SUGCT: variants seen among roughly 807,000 people sequenced by gnomAD.
SUGCT encodes succinyl-CoA:glutarate-CoA transferase.
In SUGCT, 41 loss-of-function variants were observed where a neutral mutation model predicts 55.0. The observed-to-expected ratio is 0.74, with a 90% CI of 0.58 to 0.97. SUGCT has a LOEUF of 0.97. SUGCT is among the 50% of genes least tolerant of loss of function. SUGCT has a pLI of 0.00. For synonymous variants in SUGCT, 187 were observed against 200.4 expected (o/e 0.93, Z 0.56); for missense variants, 568 against 547.8 (o/e 1.04, Z -0.37).
At chr7:40,447,214 CT>C (rs1788886810) in intron 9 of SUGCT, among the ~76,000 whole-genome samples, 1 of 152,154 alleles carries the variant, frequency 6.6e-6, no homozygotes, top group Admixed American at 6.6e-5. Flanking sequence ...AATATTTGGC[CT>C]TTAGTGACTG....
chr7:40,320,517 A>G (rs1280671672), intron 9 of SUGCT, among the ~76,000 whole-genome samples: 2 of 152,226 alleles, frequency 1.3e-5, no homozygotes, highest in Non-Finnish European at 2.9e-5. Flanking sequence ...CAAAAAGAAT[A>G]TATTTTATTA....
intron 11 of SUGCT, among the ~76,000 whole-genome samples, chr7:40,486,433 C>CT (rs1562810502): frequency 6.6e-6 from 1 of 151,834 alleles, no homozygotes; most frequent in East Asian, 1.9e-4. Context: ...TGTTTTGTTG[C>CT]TTTTTTATTT....
At position 40,833,555 on chromosome 7, in the gene SUGCT, C is replaced by T. The variant is rs371869300; in HGVS notation, c.1154-26761C>T. On this transcript the variant is annotated intron_variant, in intron 13 of 13. Coordinates refer to ENST00000335693, the MANE Select transcript of SUGCT (RefSeq NM_001193313.2). Reference sequence around the variant, plus strand: ...ATCTTTTGAAAATTGAAGTCATGTACACAAACCACTTTCAAGTTAGGAGAG... The same window carrying T: ...ATCTTTTGAAAATTGAAGTCATGTATACAAACCACTTTCAAGTTAGGAGAG... Among the ~76,000 whole-genome samples the T allele has an allele frequency of 2.2e-3, 328 of 152,314 alleles. 1 individual carries two copies. Among genetic ancestry groups the T allele is most frequent in the African/African-American group, 7.6e-3 (318 of 41,574 alleles).
chr7:40,908,382 CA>C, the SUGCT span, among the ~76,000 whole-genome samples: 1,446 of 82,578 alleles, frequency 0.018, 17 homozygotes, highest in South Asian at 0.13. Flanking sequence ...GACTCTGTCT[CA>C]AAAAAAAAAA....
intron 9 of SUGCT, among the ~76,000 whole-genome samples, chr7:40,327,221 C>T (rs549813046): frequency 8.4e-4 from 128 of 152,044 alleles, no homozygotes; most frequent in Non-Finnish European, 1.1e-3. Context: ...TTGATCCTTA[C>T]GGATTTGGGA....
chr7:40,826,110 C>T (rs1029621), intron 13 of SUGCT, among the ~76,000 whole-genome samples: 33,058 of 152,074 alleles, frequency 0.22, 3,933 homozygotes, highest in East Asian at 0.51. Flanking sequence ...CTAGTTGTCT[C>T]TAAGTTTTAA....
At chr7:40,787,173 C>T (rs1276691880) in intron 13 of SUGCT, among the ~76,000 whole-genome samples, 1 of 152,172 alleles carries the variant, frequency 6.6e-6, no homozygotes, top group Non-Finnish European at 1.5e-5. Context: ...GTGTAGCACA[C>T]TAACCCTTCC....
At chr7:40,521,046 G>T (rs185678243) in intron 12 of SUGCT, among the ~76,000 whole-genome samples, 1 of 152,172 alleles carries the variant, frequency 6.6e-6, no homozygotes, top group Non-Finnish European at 1.5e-5. Flanking sequence ...GAAAACACTA[G>T]ATTATAGGAA....
chr7:40,731,725 T>C (rs2128695906), intron 12 of SUGCT, among the ~76,000 whole-genome samples: 1 of 152,334 alleles, frequency 6.6e-6, no homozygotes, highest in Middle Eastern at 3.4e-3. Flanking sequence ...AAGTTTTTCC[T>C]AAGTTATTGA....
At chr7:41,016,186 T>A in the SUGCT span, among the ~76,000 whole-genome samples, 1 of 152,216 alleles carries the variant, frequency 6.6e-6, no homozygotes, top group Non-Finnish European at 1.5e-5. Context: ...AATTTAAGTT[T>A]TGCTCTTTAG....
At chr7:40,288,414 C>G (rs1217791208) in intron 8 of SUGCT, among the ~76,000 whole-genome samples, 1 of 151,980 alleles carries the variant, frequency 6.6e-6, no homozygotes, top group Non-Finnish European at 1.5e-5. Flanking sequence ...GTTCTCAAGC[C>G]TGGTAGAAGT....
the SUGCT span, among the ~76,000 whole-genome samples, chr7:40,980,248 C>A: frequency 6.6e-6 from 1 of 152,148 alleles, no homozygotes. Flanking sequence ...ATCTCATCCA[C>A]CCCTAATTAA....
At chr7:40,367,897 G>A (rs1353335490) in intron 9 of SUGCT, among the ~76,000 whole-genome samples, 1 of 152,036 alleles carries the variant, frequency 6.6e-6, no homozygotes, top group Non-Finnish European at 1.5e-5. Flanking sequence ...TGTCCTCACA[G>A]CCTCTCCATC....
intron 12 of SUGCT, among the ~76,000 whole-genome samples, chr7:40,519,347 T>C (rs759600039): frequency 1.3e-5 from 2 of 152,044 alleles, no homozygotes; most frequent in Non-Finnish European, 2.9e-5. Flanking sequence ...ATTTTGCCAA[T>C]ATGAGTTTCT....
At chr7:40,309,789 C>CAATGTGTGGTGTGTGAGA (rs1554307027) in intron 8 of SUGCT, among the ~76,000 whole-genome samples, 5 of 151,208 alleles carry the variant, frequency 3.3e-5, no homozygotes, top group African/African-American at 9.7e-5. Flanking sequence ...GCCCACACAG[C>CAATGTGTGGTGTGTGAGA]GAGAGGGACA....
intron 6 of SUGCT, among the ~76,000 whole-genome samples, chr7:40,233,305 T>C (rs1788827314): frequency 6.6e-6 from 1 of 152,036 alleles, no homozygotes; most frequent in Non-Finnish European, 1.5e-5. Flanking sequence ...CTGCAAGCTC[T>C]GCCTCCCGGG....
chr7:40,695,501 C>T (rs556899808), intron 12 of SUGCT, among the ~76,000 whole-genome samples: 5 of 151,944 alleles, frequency 3.3e-5, no homozygotes, highest in Non-Finnish European at 7.4e-5. Flanking sequence ...CAGCCCAAAC[C>T]CTTATTAAAA....
At chr7:40,817,781 A>C (rs1164784410) in intron 13 of SUGCT, among the ~76,000 whole-genome samples, 1 of 152,180 alleles carries the variant, frequency 6.6e-6, no homozygotes, top group African/African-American at 2.4e-5. Context: ...ATGAGTAAAT[A>C]GAGATGGCAG....
chr7:40,293,524 T>G (rs1234579227), intron 8 of SUGCT, among the ~76,000 whole-genome samples: 1 of 152,204 alleles, frequency 6.6e-6, no homozygotes, highest in Admixed American at 6.5e-5. Context: ...CATGAACTTA[T>G]GATGTATAAA....
Sources: allele counts gnomAD v4.1 joint callset (sites outside exome capture counted in the v4.1 genomes callset), GRCh38; gene constraint gnomAD v4.1.1; transcripts MANE v1.5; gene names NCBI Gene and HGNC (gene_info 2026-07-23, HGNC 2026-07-21).